The following FBXL13 variants were observed in gnomAD, a reference collection of about 807,000 sequenced individuals.
FBXL13 encodes F-box and leucine rich repeat protein 13, also known as F-box and leucine-rich repeat protein 13.
FBXL13 carries 67 observed loss-of-function variants against 83.6 expected under a neutral mutation model. The observed-to-expected ratio is 0.80, with a 90% CI of 0.66 to 0.98. The LOEUF (loss-of-function observed/expected upper bound fraction) is 0.98. Ranked by LOEUF, FBXL13 falls within the 50% of genes least tolerant of loss-of-function variation. The probability of loss-of-function intolerance (pLI) is 0.00; values close to 1 mark genes in which losing one functional copy is unlikely to be tolerated. For missense variants in FBXL13, 822 were observed against 866.5 expected (o/e 0.95, Z 0.64); for synonymous variants, 272 against 299.5 (o/e 0.91, Z 0.95).
At chr7:103,014,877 T>TCACGC (rs1419352314) in intron 6 of FBXL13, among the ~76,000 whole-genome samples, 5 of 124,374 alleles carry the variant, frequency 4.0e-5, no homozygotes, top group African/African-American at 6.3e-5. Flanking sequence ...TGAGCCGAGA[T>TCACGC]CACGCCACTG....
At chr7:103,042,041 T>C (rs991266595) in intron 2 of FBXL13, among the ~76,000 whole-genome samples, 3 of 152,100 alleles carry the variant, frequency 2.0e-5, no homozygotes, top group Non-Finnish European at 4.4e-5. Context: ...AATTGTCTCT[T>C]TGCAGATGAC....
chr7:102,986,918 T>TACAC (rs140052493), intron 6 of FBXL13, among the ~76,000 whole-genome samples: 27,127 of 148,232 alleles, frequency 0.18, 2,667 homozygotes, highest in East Asian at 0.31. Context: ...GAAAATGTGA[T>TACAC]ACACACACAC....
chr7:103,042,270 T>C (rs991400949), intron 2 of FBXL13, among the ~76,000 whole-genome samples: 2 of 152,172 alleles, frequency 1.3e-5, no homozygotes, highest in African/African-American at 4.8e-5. Context: ...TTACAAGGGA[T>C]GTGAAGGACC....
At chr7:103,030,851 A>G (rs917737748) in intron 2 of FBXL13, among the ~76,000 whole-genome samples, 1 of 152,206 alleles carries the variant, frequency 6.6e-6, no homozygotes, top group African/African-American at 2.4e-5. Context: ...GATTTATAAT[A>G]CACCAGAATT....
At chr7:102,944,339 G>A in intron 8 of FBXL13, 1 of 1,614,070 alleles carries the variant, frequency 6.2e-7, no homozygotes, top group South Asian at 1.1e-5. Flanking sequence ...AACCCTTGGA[G>A]ATGTGACTAC....
At chr7:102,925,660 C>T (rs1255660199) in intron 10 of FBXL13, among the ~76,000 whole-genome samples, 2 of 151,744 alleles carry the variant, frequency 1.3e-5, no homozygotes, top group African/African-American at 2.4e-5. Flanking sequence ...TAAAGAGGTC[C>T]GCTGGGTGTG....
At chr7:102,863,198 T>C (rs1807109291) in intron 16 of FBXL13, among the ~76,000 whole-genome samples, 1 of 152,236 alleles carries the variant, frequency 6.6e-6, no homozygotes, top group African/African-American at 2.4e-5. Flanking sequence ...TTGATTTAAA[T>C]ACAATGGCTC....
chr7:103,021,623 A>T (rs1793186325), intron 6 of FBXL13, among the ~76,000 whole-genome samples: 1 of 152,228 alleles, frequency 6.6e-6, no homozygotes, highest in African/African-American at 2.4e-5. Flanking sequence ...CAAAGAACTT[A>T]AACAAATTTG....
chr7:103,001,041 A>G (rs561485070), intron 6 of FBXL13, among the ~76,000 whole-genome samples: 1 of 151,998 alleles, frequency 6.6e-6, no homozygotes, highest in Admixed American at 6.6e-5. Context: ...ACCTCCTGGG[A>G]TCAACCAATC....
chr7:103,063,099 C>T (rs1277712728), intron 1 of FBXL13, among the ~76,000 whole-genome samples: 1 of 152,170 alleles, frequency 6.6e-6, no homozygotes, highest in Non-Finnish European at 1.5e-5. Context: ...TCTCCAAGAG[C>T]CCACAAAGAC....
chr7:102,947,285 T>C (rs1822691108), intron 8 of FBXL13, among the ~76,000 whole-genome samples: 1 of 152,206 alleles, frequency 6.6e-6, no homozygotes, highest in Non-Finnish European at 1.5e-5. Flanking sequence ...TGAAATGAGA[T>C]GAAACCTGAT....
At chr7:103,028,207 T>C (rs1196063625) in intron 4 of FBXL13, among the ~76,000 whole-genome samples, 1 of 152,206 alleles carries the variant, frequency 6.6e-6, no homozygotes, top group Non-Finnish European at 1.5e-5. Flanking sequence ...TTTTATTTTT[T>C]AGTTTCGTCA....
chr7:102,814,557 G>C (rs1031168576), intron 19 of FBXL13: 3 of 152,190 alleles, frequency 2.0e-5, no homozygotes, highest in African/African-American at 7.2e-5. Context: ...ACTTAACAGG[G>C]AGGTAACCAA....
intron 8 of FBXL13, chr7:102,932,939 T>C (rs1255047445): frequency 6.6e-6 from 1 of 152,244 alleles, no homozygotes; most frequent in Non-Finnish European, 1.5e-5. Context: ...CAAATACTTA[T>C]CAAGGAGATA....
At chr7:102,957,165 T>C (rs984367746) in intron 8 of FBXL13, among the ~76,000 whole-genome samples, 6 of 152,208 alleles carry the variant, frequency 3.9e-5, no homozygotes, top group Non-Finnish European at 7.3e-5. Context: ...CAAAACGGCA[T>C]GGTACTGGTA....
intron 16 of FBXL13, among the ~76,000 whole-genome samples, chr7:102,875,447 T>TG (rs369179496): frequency 1.3e-3 from 204 of 152,096 alleles, no homozygotes; most frequent in Non-Finnish European, 2.5e-3. Flanking sequence ...ATTCATCATA[T>TG]GGGGGGTCTG....
At chr7:103,074,534 A>G (rs574984722) in exon 1 of FBXL13, 21 of 1,208,448 alleles carry the variant, frequency 1.7e-5, no homozygotes, top group East Asian at 5.9e-5. Context: ...CTGATCGCCT[A>G]CAAGTCCGAA....
chr7:102,919,179 G>A lies in FBXL13; in HGVS notation c.879-5964C>T, dbSNP rs1816506247. ...GGAATTATTTACACCACAGAAATCA[G>A]TAAACACTAGGAATTGGTGCTTCTC... On this transcript the variant is annotated intron_variant, in intron 10 of 19. Transcript: ENST00000313221. Among the ~76,000 whole-genome samples, 4 of 152,168 alleles carry A rather than the reference G, an allele frequency of 2.6e-5. No homozygotes were observed. The South Asian group carries it at 8.3e-4, about 32-fold the overall frequency.
intron 9 of FBXL13, among the ~76,000 whole-genome samples, chr7:102,927,093 CAG>C (rs1405260891): frequency 1.3e-5 from 2 of 152,122 alleles, no homozygotes; most frequent in African/African-American, 2.4e-5. Context: ...GACAGAAAAA[CAG>C]AGGTTTCAAG....
Sources: allele counts gnomAD v4.1 joint callset (sites outside exome capture counted in the v4.1 genomes callset), GRCh38; gene constraint gnomAD v4.1.1; transcripts MANE v1.5; gene names NCBI Gene and HGNC (gene_info 2026-07-23, HGNC 2026-07-21).